The following PIBF1 variants were observed in gnomAD, a reference collection of about 807,000 sequenced individuals.
PIBF1 encodes progesterone-induced-blocking factor 1.
PIBF1 carries 90 observed loss-of-function variants against 112.5 expected under a neutral mutation model. The observed-to-expected ratio is 0.80, with a 90% CI of 0.67 to 0.95. The LOEUF (loss-of-function observed/expected upper bound fraction) is 0.95. PIBF1 is among the 40% of genes least tolerant of loss of function. PIBF1 has a pLI of 0.00. For synonymous variants in PIBF1, 301 were observed against 288.6 expected (o/e 1.04, Z -0.44); for missense variants, 915 against 852.3 (o/e 1.07, Z -0.92).
chr13:72,810,950 A>C (rs2138060224), intron 5 of PIBF1, among the ~76,000 whole-genome samples: 1 of 149,840 alleles, frequency 6.7e-6, no homozygotes, highest in African/African-American at 2.5e-5. Flanking sequence ...TCCGCCCCCC[A>C]GGTTCACACC....
intron 14 of PIBF1, among the ~76,000 whole-genome samples, chr13:72,960,014 T>C (rs1347968951): frequency 2.6e-5 from 4 of 152,230 alleles, no homozygotes; most frequent in Non-Finnish European, 5.9e-5. Flanking sequence ...TAATAAATTA[T>C]GTTTATTTCA....
chr13:72,932,216 A>T (rs1320084147), intron 14 of PIBF1, among the ~76,000 whole-genome samples: 1 of 152,072 alleles, frequency 6.6e-6, no homozygotes, highest in East Asian at 1.9e-4. Flanking sequence ...AAGTACTGGG[A>T]TTGGAGATGT....
chr13:72,947,351 G>C lies in PIBF1; in HGVS notation c.1833+16084G>C, dbSNP rs559646565. ...CATGTCCCGAAGCTGCATAGAGCAG[G>C]GGGGCCCTGGGCCTGGCCCCAGGAA... On this transcript the variant is annotated intron_variant, in intron 14 of 17. Coordinates refer to ENST00000326291, the MANE Select transcript of PIBF1 (RefSeq NM_006346.4). 1.4e-4 allele frequency among the ~76,000 whole-genome samples: 21 copies of C among 152,274 alleles called. No individual in the cohort carries two copies. The South Asian group carries it at 4.1e-3, about 30-fold the overall frequency.
intron 10 of PIBF1, among the ~76,000 whole-genome samples, chr13:72,886,611 A>C (rs1046209682): frequency 1.3e-5 from 2 of 151,998 alleles, no homozygotes; most frequent in African/African-American, 4.8e-5. Context: ...ATATTACTAC[A>C]TGTTGTTTAT....
At chr13:72,944,504 C>T (rs908302128) in intron 14 of PIBF1, among the ~76,000 whole-genome samples, 2 of 149,958 alleles carry the variant, frequency 1.3e-5, no homozygotes, top group Admixed American at 6.7e-5. Context: ...TCAATTTTAA[C>T]ACAATAGCAA....
At chr13:72,874,474 C>A (rs990028733) in intron 10 of PIBF1, among the ~76,000 whole-genome samples, 1 of 152,066 alleles carries the variant, frequency 6.6e-6, no homozygotes, top group Non-Finnish European at 1.5e-5. Flanking sequence ...AGAAGACAAA[C>A]ACAAAAGACT....
At chr13:72,872,660 A>T (rs1301673137) in intron 10 of PIBF1, among the ~76,000 whole-genome samples, 1 of 152,148 alleles carries the variant, frequency 6.6e-6, no homozygotes, top group Non-Finnish European at 1.5e-5. Flanking sequence ...GTATGAGGAA[A>T]TTAAGGCTCC....
chr13:72,828,861 T>G (rs2036958829), intron 8 of PIBF1, among the ~76,000 whole-genome samples: 1 of 152,232 alleles, frequency 6.6e-6, no homozygotes, highest in Non-Finnish European at 1.5e-5. Context: ...ATTGCCACAC[T>G]GTCTTCCACA....
At chr13:72,813,950 C>T (rs1036961187) in intron 5 of PIBF1, among the ~76,000 whole-genome samples, 7 of 152,042 alleles carry the variant, frequency 4.6e-5, no homozygotes, top group African/African-American at 1.7e-4. Flanking sequence ...GTCGGCAGAG[C>T]TCGGCCTATA....
At position 72,971,638 on chromosome 13, in the gene PIBF1, T is replaced by C. The variant is rs980398625; in HGVS notation, c.1965-1953T>C. ...TTAGTAACACTGTATAACATTTATA[T>C]AGTTTTATGAGTTCAACACTTTATA... On this transcript the variant is annotated intron_variant, in intron 15 of 17. Coordinates refer to ENST00000326291, the MANE Select transcript of PIBF1 (RefSeq NM_006346.4). Among the ~76,000 whole-genome samples the C allele has an allele frequency of 6.6e-5, 10 of 152,368 alleles. No individual in the cohort carries two copies. In the East Asian group the frequency reaches 1.7e-3, roughly 26 times the overall value.
chr13:72,842,132 A>G (rs970535565), intron 9 of PIBF1, among the ~76,000 whole-genome samples: 3 of 152,344 alleles, frequency 2.0e-5, no homozygotes, highest in Non-Finnish European at 2.9e-5. Context: ...ATTTCTGCAT[A>G]AGATGGCTAG....
intron 8 of PIBF1, among the ~76,000 whole-genome samples, chr13:72,831,619 G>A (rs928498690): frequency 9.2e-5 from 14 of 152,318 alleles, no homozygotes; most frequent in African/African-American, 2.6e-4. Flanking sequence ...ATTGCACTGT[G>A]TTCTGAGAGA....
At chr13:72,909,222 CAA>C (rs1157013363) in intron 12 of PIBF1, among the ~76,000 whole-genome samples, 143 of 152,148 alleles carry the variant, frequency 9.4e-4, no homozygotes, top group African/African-American at 3.4e-3. Context: ...AATTTTTTAT[CAA>C]ATTCACTTAC....
At position 72,955,217 on chromosome 13, in the gene PIBF1, G is replaced by C. The variant is rs1229791249; in HGVS notation, c.1834-10057G>C. On this transcript the variant is annotated intron_variant, in intron 14 of 17. Transcript: ENST00000326291. Reference sequence around the variant, plus strand: ...TCACTTTCATTGTAGTAGTAGCTCTGTGTCTAACCTTGCCAAGTGCTTAAT... The same window carrying C: ...TCACTTTCATTGTAGTAGTAGCTCTCTGTCTAACCTTGCCAAGTGCTTAAT... 2.6e-5 allele frequency among the ~76,000 whole-genome samples: 4 copies of C among 152,180 alleles called. No individual in the cohort carries two copies. In the East Asian group the frequency reaches 7.7e-4, roughly 29 times the overall value.
intron 10 of PIBF1, among the ~76,000 whole-genome samples, chr13:72,871,555 C>T (rs1232613367): frequency 1.3e-5 from 2 of 152,256 alleles, no homozygotes; most frequent in East Asian, 3.9e-4. Flanking sequence ...CCACCTGCCT[C>T]GGCCTCCTAA....
rs150309264 is a variant in PIBF1 at position 72,862,098 on chromosome 13, T to C, written c.1322+7943T>C. On this transcript the variant is annotated intron_variant, in intron 10 of 17. Transcript: ENST00000326291. ...AGTGTGCCAAGGGAAGAAAACAAAATGGACCAGGAAAAAAAACATTTAGAG... is the reference window on the plus strand; with the variant it reads ...AGTGTGCCAAGGGAAGAAAACAAAACGGACCAGGAAAAAAAACATTTAGAG... Among the ~76,000 whole-genome samples, 1,262 of 151,824 alleles carry C rather than the reference T, an allele frequency of 8.3e-3. 9 individuals carry two copies. The highest frequency in any genetic ancestry group is 0.016 in the South Asian group (79 of 4,814).
At chr13:72,981,217 A>C (rs2043148433) in intron 16 of PIBF1, among the ~76,000 whole-genome samples, 1 of 151,910 alleles carries the variant, frequency 6.6e-6, no homozygotes, top group Non-Finnish European at 1.5e-5. Context: ...ATGCCACTGC[A>C]CTCCAGCCTG....
At chr13:72,968,950 A>C (rs2042821774) in intron 15 of PIBF1, among the ~76,000 whole-genome samples, 1 of 151,962 alleles carries the variant, frequency 6.6e-6, no homozygotes, top group Non-Finnish European at 1.5e-5. Flanking sequence ...CTGAGGTGGG[A>C]GGATGAGTTG....
chr13:72,857,755 G>A (rs2038493886), intron 10 of PIBF1, among the ~76,000 whole-genome samples: 1 of 152,054 alleles, frequency 6.6e-6, no homozygotes, highest in Non-Finnish European at 1.5e-5. Flanking sequence ...CAGGAGAATC[G>A]CTTGAACCTG....
Sources: allele counts gnomAD v4.1 joint callset (sites outside exome capture counted in the v4.1 genomes callset), GRCh38; gene constraint gnomAD v4.1.1; transcripts MANE v1.5; gene names NCBI Gene and HGNC (gene_info 2026-07-23, HGNC 2026-07-21).